SRPK1: variants seen among roughly 807,000 people sequenced by gnomAD.
The protein encoded by SRPK1 is SRSF protein kinase 1, also known as SFRS protein kinase 1.
SRPK1 carries 52 observed loss-of-function variants against 89.5 expected under a neutral mutation model. The ratio of observed to expected loss-of-function variants is 0.58; its 90% CI spans 0.46 to 0.73. The LOEUF (loss-of-function observed/expected upper bound fraction) is 0.73, where lower values mean the gene tolerates loss of function less well. SRPK1 is among the 30% of genes least tolerant of loss of function. The pLI is 0.00. For missense variants in SRPK1, 603 were observed against 780.6 expected (o/e 0.77, Z 2.71); for synonymous variants, 255 against 270.2 (o/e 0.94, Z 0.55).
intron 13 of SRPK1, among the ~76,000 whole-genome samples, chr6:35,850,608 A>C (rs1769532064): frequency 6.6e-6 from 1 of 152,244 alleles, no homozygotes. Context: ...TAATCAAAGC[A>C]AATAAATGGT....
chr6:35,867,701 C>G (rs1195162684), intron 12 of SRPK1, among the ~76,000 whole-genome samples: 3 of 152,038 alleles, frequency 2.0e-5, no homozygotes, highest in African/African-American at 7.2e-5. Context: ...CCTGTAATCA[C>G]AGCTACTTGG....
intron 14 of SRPK1, among the ~76,000 whole-genome samples, chr6:35,841,988 G>A (rs1769320613): frequency 6.6e-6 from 1 of 152,064 alleles, no homozygotes; most frequent in African/African-American, 2.4e-5. Context: ...TGGCAGCCTA[G>A]GCTTTTCCCA....
At chr6:35,837,785 T>C (rs567483365) in intron 15 of SRPK1, among the ~76,000 whole-genome samples, 96 of 151,730 alleles carry the variant, frequency 6.3e-4, no homozygotes, top group Non-Finnish European at 1.2e-3. Flanking sequence ...CTTGAACTCC[T>C]AGACTCAAGT....
intron 5 of SRPK1, among the ~76,000 whole-genome samples, chr6:35,887,419 T>TA (rs1348380083): frequency 6.6e-6 from 1 of 151,958 alleles, no homozygotes; most frequent in South Asian, 2.1e-4. Context: ...ACTTTATGAA[T>TA]AAAAAATCTG....
chr6:35,838,718 A>G lies in SRPK1; in HGVS notation c.1691-289T>C. The G allele has an allele frequency of 3.5e-6, 5 of 1,437,470 alleles. No homozygotes were observed. The South Asian group carries it at 5.6e-5, about 16-fold the overall frequency. 89.0% of individuals were successfully genotyped at this position (1,437,470 alleles called of 1,614,324 possible). On this transcript the variant is annotated intron_variant, in intron 14 of 15. Transcript: ENST00000373825. ...ATAACAATACTACCTCTGTGACTGA[A>G]GAAGTCTTGTGAATATTTCCCACTG...
rs1478666955 is a variant in SRPK1 at position 35,834,604 on chromosome 6, A to G, written c.*700T>C. 1.3e-5 allele frequency: 2 copies of G among 152,256 alleles called. No individual in the cohort carries two copies. The highest frequency in any genetic ancestry group is 4.8e-5 in the African/African-American group (2 of 41,464). 9.4% of individuals were successfully genotyped at this position (152,256 alleles called of 1,614,324 possible). A position where few individuals can be genotyped will look rare whatever the true frequency, so the allele number is the denominator to read the frequency against. Reference sequence around the variant, plus strand: ...GTTTATAGAACACCTGAGGTTCTCAAGAAATTACTATTCAATGGTTCTGTT... The same window carrying G: ...GTTTATAGAACACCTGAGGTTCTCAGGAAATTACTATTCAATGGTTCTGTT... On this transcript the variant is annotated 3_prime_UTR_variant, in exon 16 of 16. Transcript: ENST00000373825.
At chr6:35,873,345 A>C (rs981358678) in intron 7 of SRPK1, among the ~76,000 whole-genome samples, 3 of 152,254 alleles carry the variant, frequency 2.0e-5, no homozygotes, top group African/African-American at 7.2e-5. Flanking sequence ...AAGGGCTCCA[A>C]TGTTCCCAAG....
intron 15 of SRPK1, among the ~76,000 whole-genome samples, chr6:35,836,787 T>TAA (rs56248731): frequency 7.1e-6 from 1 of 141,122 alleles, no homozygotes; most frequent in African/African-American, 2.7e-5. Context: ...ATAATAATAA[T>TAA]TTTTTTTAAA....
At chr6:35,840,531 AAAAT>A (rs1357850310) in intron 14 of SRPK1, among the ~76,000 whole-genome samples, 1 of 152,244 alleles carries the variant, frequency 6.6e-6, no homozygotes, top group Non-Finnish European at 1.5e-5. Flanking sequence ...ACTTCCAAGT[AAAAT>A]ATTGGTCCTT....
At chr6:35,874,377 G>A in intron 6 of SRPK1, 38 bp from the exon 7 acceptor site, 1 of 1,386,304 alleles carries the variant, frequency 7.2e-7, no homozygotes, top group South Asian at 1.2e-5. Flanking sequence ...CGGCACAAAA[G>A]AAGAACACGG....
chr6:35,889,192 T>C (rs527565792), intron 3 of SRPK1, among the ~76,000 whole-genome samples: 1 of 152,178 alleles, frequency 6.6e-6, no homozygotes, highest in Admixed American at 6.5e-5. Context: ...AAAGGTTGTA[T>C]ATCATGATAT....
At chr6:35,858,415 T>C (rs1160416074) in intron 12 of SRPK1, among the ~76,000 whole-genome samples, 4 of 152,076 alleles carry the variant, frequency 2.6e-5, no homozygotes, top group Non-Finnish European at 5.9e-5. Context: ...ATTTTTAGTA[T>C]AAGAGGTGAA....
chr6:35,872,691 C>T lies in SRPK1; in HGVS notation c.623G>A (p.Arg208His), dbSNP rs574735510. ...QGLDYLHTKC[R>H]IIHTDIKPEN... Reference sequence around the variant, plus strand: ...TGGTTTAATGTCAGTGTGGATGATACGGCACTTGGTATGTAAATAATCAAG... The same window carrying T: ...TGGTTTAATGTCAGTGTGGATGATATGGCACTTGGTATGTAAATAATCAAG... Residue 208 changes from arginine (R) to histidine (H), a missense_variant, in exon 8 of 16, where the codon CGT becomes CAT. Coordinates refer to ENST00000373825, the MANE Select transcript of SRPK1 (RefSeq NM_003137.5). 4.6e-5 allele frequency: 74 copies of T among 1,608,364 alleles called. No individual in the cohort carries two copies. The highest frequency in any genetic ancestry group is 5.7e-5 in the Non-Finnish European group (67 of 1,177,704).
At chr6:35,917,367 G>A (rs1378752892) in intron 2 of SRPK1, among the ~76,000 whole-genome samples, 7 of 152,210 alleles carry the variant, frequency 4.6e-5, no homozygotes, top group African/African-American at 1.7e-4. Context: ...CTTTGGGTAT[G>A]TCAGACCTGG....
chr6:35,835,243 T>G lies in SRPK1; in HGVS notation c.*61A>C. The G allele has an allele frequency of 7.1e-7, 1 of 1,407,766 alleles. No individual in the cohort carries two copies. The highest frequency in any genetic ancestry group is 9.6e-7 in the Non-Finnish European group (1 of 1,041,974). 87.2% of individuals were successfully genotyped at this position (1,407,766 alleles called of 1,614,324 possible). A position where few individuals can be genotyped will look rare whatever the true frequency, so the allele number is the denominator to read the frequency against. On this transcript the variant is annotated 3_prime_UTR_variant, in exon 16 of 16. Transcript: ENST00000373825. ...TCACCCTGAAAAGGGAAGAGGAAAA[T>G]GCTTGAAGGGGAAGGGCGGAGGGTC...
At chr6:35,886,036 T>TCCTTTCTTTTTCTTTCTC (rs1201505512) in intron 6 of SRPK1, among the ~76,000 whole-genome samples, 2 of 151,984 alleles carry the variant, frequency 1.3e-5, no homozygotes, top group African/African-American at 2.4e-5. Context: ...GTTTCTTTCT[T>TCCTTTCTTTTTCTTTCTC]CCTTTCTTTT....
intron 6 of SRPK1, among the ~76,000 whole-genome samples, chr6:35,878,552 A>G (rs1770206886): frequency 6.6e-6 from 1 of 152,220 alleles, no homozygotes; most frequent in Non-Finnish European, 1.5e-5. Context: ...CTCTTAGCAC[A>G]GTGGCAACCA....
intron 2 of SRPK1, among the ~76,000 whole-genome samples, chr6:35,893,845 T>C (rs10947576): frequency 0.32 from 47,854 of 151,708 alleles, 7,783 homozygotes; most frequent in South Asian, 0.42. Flanking sequence ...ACCCCGTCTC[T>C]ACTAAAAATA....
At chr6:35,851,179 A>ATTT (rs11368828) in intron 13 of SRPK1, among the ~76,000 whole-genome samples, 1 of 148,644 alleles carries the variant, frequency 6.7e-6, no homozygotes. Context: ...TTGGTATTGG[A>ATTT]TTTTTTTTTT....
Sources: allele counts gnomAD v4.1 joint callset (sites outside exome capture counted in the v4.1 genomes callset), GRCh38; gene constraint gnomAD v4.1.1; transcripts MANE v1.5; gene names NCBI Gene and HGNC (gene_info 2026-07-23, HGNC 2026-07-21).